ZNFX1: variants seen among roughly 807,000 people sequenced by gnomAD.
ZNFX1 encodes the protein NFX1-type zinc finger-containing protein 1.
ZNFX1 carries 78 observed loss-of-function variants against 179.8 expected under a neutral mutation model. The observed-to-expected ratio is 0.43, with a 90% CI of 0.36 to 0.52. ZNFX1 has a LOEUF of 0.52. ZNFX1 is among the 20% of genes least tolerant of loss of function. The pLI, the probability that ZNFX1 is intolerant of heterozygous loss-of-function variation, is 0.00. For synonymous variants in ZNFX1, 848 were observed against 868.5 expected (o/e 0.98, Z 0.42); for missense variants, 1,927 against 2,386.6 (o/e 0.81, Z 4.01).
chr20:49,261,777 C>T (rs1412976464), intron 6 of ZNFX1, among the ~76,000 whole-genome samples: 1 of 151,786 alleles, frequency 6.6e-6, no homozygotes, highest in Non-Finnish European at 1.5e-5. Context: ...TCCTGAGTAG[C>T]TGGGACTACA....
intron 1 of ZNFX1, among the ~76,000 whole-genome samples, chr20:49,277,278 A>C (rs1981594053): frequency 6.6e-6 from 1 of 151,966 alleles, no homozygotes; most frequent in African/African-American, 2.4e-5. Context: ...TCCCTGACCC[A>C]GGGAGCCCAC....
rs1980672000 is a variant in ZNFX1 at position 49,246,388 on chromosome 20, G to C, written c.*879C>G. The C allele has an allele frequency of 6.5e-6, 1 of 153,996 alleles. No individual in the cohort carries two copies. The highest frequency in any genetic ancestry group is 2.4e-5 in the African/African-American group (1 of 41,432). The allele number at this position is 153,996 out of a possible 1,614,324, so 9.5% of individuals were successfully genotyped here. On this transcript the variant is annotated 3_prime_UTR_variant, in exon 14 of 14. Coordinates refer to ENST00000396105, the MANE Select transcript of ZNFX1 (RefSeq NM_021035.3). Reference sequence around the variant, plus strand: ...GGCTGTCCCATCTTCCCCACTCTCAGTGACTATGTAACTGTGTCAGGGTGA... The same window carrying C: ...GGCTGTCCCATCTTCCCCACTCTCACTGACTATGTAACTGTGTCAGGGTGA...
intron 3 of ZNFX1, among the ~76,000 whole-genome samples, chr20:49,269,050 T>C (rs922043769): frequency 6.6e-6 from 1 of 152,218 alleles, no homozygotes; most frequent in Non-Finnish European, 1.5e-5. Flanking sequence ...TAAAGACACA[T>C]GCATATGCAT....
chr20:49,259,021 G>A (rs1414577708), intron 7 of ZNFX1, among the ~76,000 whole-genome samples: 2 of 150,706 alleles, frequency 1.3e-5, no homozygotes, highest in African/African-American at 4.9e-5. Flanking sequence ...AGAATTGCTC[G>A]AACCTAGGAG....
In ZNFX1 at chr20:49,270,490, C is replaced by T. The variant is rs1350431058; in HGVS notation, c.1322G>A (p.Arg441His). 7 of 1,614,076 alleles carry T rather than the reference C, an allele frequency of 4.3e-6. No homozygotes were observed. The Admixed American group carries it at 8.3e-5, about 19-fold the overall frequency. The change falls in exon 3 of 14, where the codon CGC becomes CAC. Residue 441 changes from arginine to histidine, a missense_variant. Coordinates refer to ENST00000396105, the MANE Select transcript of ZNFX1 (RefSeq NM_021035.3). The surrounding 1 kb of genome is among the most constrained non-coding windows in gnomAD (Gnocchi z 4.6). ...QFDTKPLKFV[R>H]WQNSKRLLYG... ...GAGCAATCGTTTGGAATTCTGCCAG[C>T]GAACAAACTTCAGTGGTTTTGTGTC... is the stretch of plus-strand genomic sequence containing the variant.
chr20:49,270,377 G>A lies in ZNFX1; in HGVS notation c.1435C>T (p.Arg479Ter). 1 of 1,614,190 alleles carries A rather than the reference G, an allele frequency of 6.2e-7. No individual in the cohort carries two copies. ...TTGAAGCAGAGCTGGACAATTCCTCGGCAGAGATCTTCCTGCTCCCTGTTA... is the reference window on the plus strand; with the variant it reads ...TTGAAGCAGAGCTGGACAATTCCTCAGCAGAGATCTTCCTGCTCCCTGTTA... ...VSNREQEDLC[R>*]GIVQLCFNEQ... The change falls in exon 3 of 14, where the codon CGA becomes TGA. Residue 479 changes from arginine (R) to a stop codon, truncating the protein, a stop_gained. Coordinates refer to ENST00000396105, the MANE Select transcript of ZNFX1 (RefSeq NM_021035.3). LOFTEE classifies it high-confidence loss of function. The surrounding 1 kb of genome is among the most constrained non-coding windows in gnomAD (Gnocchi z 4.6).
intron 11 of ZNFX1, among the ~76,000 whole-genome samples, chr20:49,253,405 T>C (rs1980891956): frequency 6.6e-6 from 1 of 152,096 alleles, no homozygotes; most frequent in Non-Finnish European, 1.5e-5. Flanking sequence ...GAGCATGCTA[T>C]TACAATACAG....
Position 49,257,374 on chromosome 20 carries a change from A to G in ZNFX1, c.2664+43T>C, listed in dbSNP as rs764591566. ...CAGAAGTGGGGGAAAACAAGCGGTC[A>G]GAACACTCTCAGGCCTGTTTCAACC... On this transcript the variant is annotated intron_variant, in intron 8 of 13. Transcript: ENST00000396105. The G allele has an allele frequency of 1.9e-6, 3 of 1,608,432 alleles. No homozygotes were observed. The Admixed American group carries it at 5.0e-5, about 27-fold the overall frequency.
intron 1 of ZNFX1, among the ~76,000 whole-genome samples, chr20:49,277,733 T>A (rs1981619695): frequency 7.2e-6 from 1 of 137,956 alleles, no homozygotes; most frequent in Non-Finnish European, 1.6e-5. Context: ...GCGATGGAGG[T>A]CTGGGGTCTG....
intron 9 of ZNFX1, among the ~76,000 whole-genome samples, chr20:49,255,043 T>C: frequency 7.2e-5 from 1 of 13,922 alleles, no homozygotes; most frequent in East Asian, 1.0e-3. Flanking sequence ...TTTCTACTAC[T>C]TTTTTTTTTT....
chr20:49,254,484 C>T lies in ZNFX1; in HGVS notation c.2959+11G>A, dbSNP rs1980919875. The T allele has an allele frequency of 6.2e-7, 1 of 1,612,362 alleles. No individual in the cohort carries two copies. The highest frequency in any genetic ancestry group is 8.5e-7 in the Non-Finnish European group (1 of 1,178,792). On this transcript the variant is annotated intron_variant, in intron 10 of 13. Transcript: ENST00000396105. Reference sequence around the variant, plus strand: ...TAGATGCAACAGGCAAATTTCTCCACAGTTTCTTACCTGTGGTTGTCATTC... The same window carrying T: ...TAGATGCAACAGGCAAATTTCTCCATAGTTTCTTACCTGTGGTTGTCATTC...
intron 7 of ZNFX1, among the ~76,000 whole-genome samples, chr20:49,259,345 C>A (rs1191651555): frequency 1.3e-5 from 2 of 151,896 alleles, no homozygotes; most frequent in East Asian, 1.9e-4. Context: ...TTATATTACT[C>A]ATTTCCTTTT....
chr20:49,267,586 G>A (rs1461912025), intron 3 of ZNFX1, among the ~76,000 whole-genome samples: 1 of 151,506 alleles, frequency 6.6e-6, no homozygotes, highest in South Asian at 2.1e-4. Flanking sequence ...CTTTCGGAGA[G>A]TAATTTAGCA....
intron 6 of ZNFX1, among the ~76,000 whole-genome samples, chr20:49,261,794 C>T (rs922113447): frequency 3.3e-5 from 5 of 151,754 alleles, no homozygotes; most frequent in African/African-American, 4.8e-5. Flanking sequence ...TACAGGCGCC[C>T]GCCACCATGC....
intron 3 of ZNFX1, among the ~76,000 whole-genome samples, chr20:49,269,221 T>C (rs1209020398): frequency 6.6e-6 from 1 of 151,718 alleles, no homozygotes; most frequent in African/African-American, 2.4e-5. Context: ...GTGGATGGAG[T>C]TGGAGGCCAT....
chr20:49,263,590 G>A, intron 5 of ZNFX1, 107 bp from the exon 6 acceptor site: 4 of 1,343,054 alleles, frequency 3.0e-6, no homozygotes, highest in Non-Finnish European at 4.1e-6. Flanking sequence ...TAAGGAGGGA[G>A]AATAAATAAA....
At position 49,255,934 on chromosome 20, in the gene ZNFX1, T is replaced by C; in HGVS notation, c.2678A>G (p.Gln893Arg). ...ATGEWQTQRN[Q>R]KKKMKKRVKD... Reference sequence around the variant, plus strand: ...CACTCTTTTTTTCATTTTCTTTTTCTGGTTGCGCTGGGTCTGCAGACATCA... The same window carrying C: ...CACTCTTTTTTTCATTTTCTTTTTCCGGTTGCGCTGGGTCTGCAGACATCA... The change falls in exon 9 of 14, where the codon CAG (glutamine) becomes CGG (arginine). Residue 893 changes from glutamine to arginine, a missense_variant. Gln to Arg is a conservative substitution (Grantham distance 43, BLOSUM62 1). Transcript: ENST00000396105. 6.2e-7 allele frequency: 1 copy of C among 1,614,116 alleles called. No individual in the cohort carries two copies. The highest frequency in any genetic ancestry group is 8.5e-7 in the Non-Finnish European group (1 of 1,180,016).
In ZNFX1 at chr20:49,248,231, T is replaced by C; in HGVS notation, c.4793A>G (p.Gln1598Arg). ...TTCATTCATGTAGCGGTCTAGGGCTTGCACCTCAAAGATGTGGCTGCAGTC... is the reference window on the plus strand; with the variant it reads ...TTCATTCATGTAGCGGTCTAGGGCTCGCACCTCAAAGATGTGGCTGCAGTC... Reference protein sequence around the residue: ...LEDCSHIFEVQALDRYMNEQK... With the variant: ...LEDCSHIFEVRALDRYMNEQK... The change falls in exon 14 of 14, where the codon CAA becomes CGA. Residue 1598 changes from glutamine (Q) to arginine (R), a missense_variant. Physicochemically the swap from Gln to Arg is conservative, Grantham distance 43 (BLOSUM62 1). Coordinates refer to ENST00000396105, the MANE Select transcript of ZNFX1 (RefSeq NM_021035.3). This position sits in a 1 kb window ranked among gnomAD's most constrained non-coding sequence, Gnocchi z 4.6. The C allele has an allele frequency of 1.2e-6, 2 of 1,614,128 alleles. No homozygotes were observed.
intron 3 of ZNFX1, among the ~76,000 whole-genome samples, chr20:49,268,407 T>C (rs1162106894): frequency 6.6e-6 from 1 of 152,152 alleles, no homozygotes; most frequent in Non-Finnish European, 1.5e-5. Flanking sequence ...TGACAATGGG[T>C]TCCTATTGGA....
Sources: gnomAD v4.1 joint callset for allele counts (sites outside exome capture counted in the v4.1 genomes callset) on GRCh38, gnomAD v4.1.1 for gene constraint, Gnocchi (gnomAD v3.1) non-coding constraint, MANE v1.5 for transcripts, NCBI Gene and HGNC (gene_info 2026-07-23, HGNC 2026-07-21) for gene names.